Variants in C16orf96 observed in about 807,000 individuals in gnomAD.
The protein encoded by C16orf96 is chromosome 16 open reading frame 96, also known as uncharacterized protein C16orf96.
Under a neutral mutation model 103.6 loss-of-function variants are expected in C16orf96, and 108 were observed. That is an observed-to-expected ratio of 1.04 (90% CI 0.89 to 1.22). The LOEUF is 1.22. C16orf96 is among the 50% of genes most tolerant of loss of function. The probability of loss-of-function intolerance (pLI) is 0.00; values close to 1 mark genes in which losing one functional copy is unlikely to be tolerated. For missense variants in C16orf96, 1,586 were observed against 1,464.2 expected (o/e 1.08, Z -1.36); for synonymous variants, 566 against 593.5 (o/e 0.95, Z 0.67).
At chr16:4,556,106 C>G (rs1299172459), upstream of C16orf96, among the ~76,000 whole-genome samples, 4 of 152,176 alleles carry the variant, frequency 2.6e-5, no homozygotes, top group Non-Finnish European at 5.9e-5. Context: ...GGAGCTGCCT[C>G]TCCATCCCTT....
Position 4,556,754 on chromosome 16 carries a change from G to A in C16orf96, c.265G>A (p.Asp89Asn), listed in dbSNP as rs1229000473. The A allele has an allele frequency of 1.0e-5, 16 of 1,551,564 alleles. No individual in the cohort carries two copies. The highest frequency in any genetic ancestry group is 7.1e-5 in the South Asian group (6 of 84,072). Residue 89 changes from aspartate (D) to asparagine (N), a missense_variant, in exon 1 of 16, where the codon GAC (aspartate) becomes AAC (asparagine). Physicochemically the swap from Asp to Asn is conservative, Grantham distance 23. Coordinates refer to ENST00000444310, the MANE Select transcript of C16orf96 (RefSeq NM_001145011.2). ...CTTCGACCACGTGGTGAGCCGCCTC[G>A]ACAAGTTGGAGAACCAGCTGGCCCT... ...NVFDHVVSRL[D>N]KLENQLALLQ...
chr16:4,570,787 G>C (rs925642182), intron 1 of C16orf96, among the ~76,000 whole-genome samples: 1 of 152,124 alleles, frequency 6.6e-6, no homozygotes, highest in Non-Finnish European at 1.5e-5. Context: ...TCTGACACCA[G>C]ATGTGTGAGG....
intron 1 of C16orf96, among the ~76,000 whole-genome samples, chr16:4,558,318 TAAGA>T (rs1231438377): frequency 6.6e-6 from 1 of 151,756 alleles, no homozygotes; most frequent in East Asian, 1.9e-4. Flanking sequence ...CAAGAAGAAA[TAAGA>T]AAGGGAAAAT....
chr16:4,578,926 T>C lies in C16orf96; in HGVS notation c.2156-14T>C. ...ATCCGAGCCCTCAGCAGCCACCCTG[T>C]CCTCTGCTTTCAGCCAATATGGGAG... On this transcript the variant is annotated splice_polypyrimidine_tract_variant and intron_variant, in intron 5 of 15. Coordinates refer to ENST00000444310, the MANE Select transcript of C16orf96 (RefSeq NM_001145011.2). The C allele has an allele frequency of 1.3e-6, 2 of 1,549,520 alleles. No individual in the cohort carries two copies. The highest frequency in any genetic ancestry group is 1.4e-5 in the African/African-American group (1 of 73,122).
intron 1 of C16orf96, among the ~76,000 whole-genome samples, chr16:4,558,055 G>A (rs1259986111): frequency 6.6e-6 from 1 of 152,226 alleles, no homozygotes; most frequent in Non-Finnish European, 1.5e-5. Context: ...GCCCGGCCTA[G>A]CAGGGGAGAT....
chr16:4,559,396 A>T (rs558973765), intron 1 of C16orf96, among the ~76,000 whole-genome samples: 35 of 151,514 alleles, frequency 2.3e-4, no homozygotes, highest in African/African-American at 7.0e-4. Flanking sequence ...TAAAAATAAA[A>T]AAAAATTAGC....
At chr16:4,547,432 C>T in the C16orf96 span, among the ~76,000 whole-genome samples, 8 of 148,762 alleles carry the variant, frequency 5.4e-5, no homozygotes, top group South Asian at 4.1e-4. Context: ...CCACTGCGCA[C>T]GGCCCACTTA....
In C16orf96 at chr16:4,589,801, G is replaced by C. The variant is rs920159802; in HGVS notation, c.2592+1470G>C. 9.2e-5 allele frequency among the ~76,000 whole-genome samples: 14 copies of C among 152,228 alleles called. No individual in the cohort carries two copies. In the East Asian group the frequency reaches 2.7e-3, roughly 29 times the overall value. On this transcript the variant is annotated intron_variant, in intron 9 of 15. Transcript: ENST00000444310. ...TTATCACACTCAAATATTTATTAGT[G>C]AAATGTCACCATTTCTGTAACTTAA... is the stretch of plus-strand genomic sequence containing the variant.
chr16:4,584,433 C>T (rs919619045), intron 7 of C16orf96, among the ~76,000 whole-genome samples: 2 of 146,492 alleles, frequency 1.4e-5, no homozygotes, highest in African/African-American at 2.6e-5. Flanking sequence ...TTGTAACCTC[C>T]GCCTCCCGGG....
intron 1 of C16orf96, 68 bp from the exon 2 acceptor site, chr16:4,571,493 C>T: frequency 3.0e-6 from 4 of 1,353,202 alleles, no homozygotes; most frequent in Non-Finnish European, 3.1e-6. Flanking sequence ...CATCAGAAAG[C>T]TTCTGCACTT....
At position 4,587,044 on chromosome 16, in the gene C16orf96, C is replaced by A; in HGVS notation, c.2358C>A (p.Leu786=). 1 of 1,551,472 alleles carries A rather than the reference C, an allele frequency of 6.4e-7. No homozygotes were observed. The highest frequency in any genetic ancestry group is 8.7e-7 in the Non-Finnish European group (1 of 1,146,868). The change falls in exon 8 of 16, where the codon CTC becomes CTA. Residue 786 remains leucine, a synonymous_variant. Coordinates refer to ENST00000444310, the MANE Select transcript of C16orf96 (RefSeq NM_001145011.2). ...LQIRMDEFKT[L]QAQIKRLEMN... Reference sequence around the variant, plus strand: ...GCCTGTGCTTCTGTTCTTAGACTCTCCAGGCTCAAATCAAAAGACTGGAAA... The same window carrying A: ...GCCTGTGCTTCTGTTCTTAGACTCTACAGGCTCAAATCAAAAGACTGGAAA...
intron 8 of C16orf96, among the ~76,000 whole-genome samples, chr16:4,587,551 A>T (rs934764722): frequency 6.6e-6 from 1 of 151,136 alleles, no homozygotes; most frequent in Non-Finnish European, 1.5e-5. Flanking sequence ...AAAAAAAAGA[A>T]AGAAAGAAAA....
rs112506482 is a variant in C16orf96 at position 4,577,693 on chromosome 16, C to T, written c.2155+1058C>T. On this transcript the variant is annotated intron_variant, in intron 5 of 15. Coordinates refer to ENST00000444310, the MANE Select transcript of C16orf96 (RefSeq NM_001145011.2). ...AACATTGGCCGTGTGCGGTGGCTCA[C>T]GCCTGTAATCCCAGTCCCTTGGGAG... Among the ~76,000 whole-genome samples, 502 of 152,164 alleles carry T rather than the reference C, an allele frequency of 3.3e-3. 5 individuals are homozygous for T. Among genetic ancestry groups the T allele is most frequent in the African/African-American group, 0.011 (473 of 41,528 alleles).
chr16:4,588,593 C>G (rs1310844021), intron 9 of C16orf96, among the ~76,000 whole-genome samples: 6 of 152,112 alleles, frequency 3.9e-5, no homozygotes, highest in African/African-American at 1.4e-4. Flanking sequence ...CTCTTCAGTT[C>G]CTCATCCCAT....
At chr16:4,556,323 T>G (rs2059261838), upstream of C16orf96, among the ~76,000 whole-genome samples, 1 of 152,166 alleles carries the variant, frequency 6.6e-6, no homozygotes, top group Non-Finnish European at 1.5e-5. Context: ...CCAGAGACTC[T>G]GATCTGAGCT....
chr16:4,540,232 AGAGTTAC>A, the C16orf96 span, among the ~76,000 whole-genome samples: 2 of 152,208 alleles, frequency 1.3e-5, no homozygotes, highest in Non-Finnish European at 2.9e-5. Flanking sequence ...ACGCCCTAAC[AGAGTTAC>A]GGGGTGGTGC....
chr16:4,569,521 G>A (rs968966285), intron 1 of C16orf96, among the ~76,000 whole-genome samples: 1 of 151,980 alleles, frequency 6.6e-6, no homozygotes, highest in Admixed American at 6.6e-5. Context: ...GGGAGGCCGA[G>A]GTGGGTGGAT....
At chr16:4,540,919 T>A in the C16orf96 span, among the ~76,000 whole-genome samples, 252 of 138,768 alleles carry the variant, frequency 1.8e-3, 4 homozygotes, top group African/African-American at 6.4e-3. Context: ...GCAGTTTGGA[T>A]TTTTTTTTTT....
intron 1 of C16orf96, among the ~76,000 whole-genome samples, chr16:4,559,217 C>T (rs116705895): frequency 0.013 from 1,921 of 152,044 alleles, 47 homozygotes; most frequent in African/African-American, 0.043. Flanking sequence ...ATTTTCAGAG[C>T]GTTCCCAAGT....
Sources: allele counts gnomAD v4.1 joint callset (sites outside exome capture counted in the v4.1 genomes callset), GRCh38; gene constraint gnomAD v4.1.1; transcripts MANE v1.5; gene names NCBI Gene and HGNC (gene_info 2026-07-23, HGNC 2026-07-21).